The following VWA3B variants were observed in gnomAD, a reference collection of about 807,000 sequenced individuals.
The protein encoded by VWA3B is von Willebrand factor A domain containing 3B.
A neutral mutation model predicts 158.3 loss-of-function variants in VWA3B; 138 were observed. The observed-to-expected ratio is 0.87, with a 90% CI of 0.76 to 1.00. The LOEUF (loss-of-function observed/expected upper bound fraction) is 1.00. Ranked by LOEUF, VWA3B falls within the 50% of genes least tolerant of loss-of-function variation. The probability of loss-of-function intolerance (pLI) is 0.00; values close to 1 mark genes in which losing one functional copy is unlikely to be tolerated. For missense variants in VWA3B, 1,555 were observed against 1,565.1 expected, an observed-to-expected ratio of 0.99 and a Z score of 0.11; for synonymous variants, 596 against 587.3, an observed-to-expected ratio of 1.01 and a Z score of -0.21.
At chr2:98,301,042 G>A (rs761655652) in intron 25 of VWA3B, among the ~76,000 whole-genome samples, 1 of 152,150 alleles carries the variant, frequency 6.6e-6, no homozygotes, top group Non-Finnish European at 1.5e-5. Context: ...TGTAATCCCA[G>A]CAATTTGGGA....
intron 7 of VWA3B, among the ~76,000 whole-genome samples, chr2:98,151,808 G>A (rs1309209679): frequency 6.6e-6 from 1 of 152,136 alleles, no homozygotes. Flanking sequence ...TAAAGCATAC[G>A]ACACACATGG....
At chr2:98,123,759 C>T (rs989642590) in intron 5 of VWA3B, among the ~76,000 whole-genome samples, 1 of 152,110 alleles carries the variant, frequency 6.6e-6, no homozygotes, top group Non-Finnish European at 1.5e-5. Flanking sequence ...CTTCAGTAGC[C>T]CTGGTCCAGG....
At chr2:98,155,178 G>GGT (rs1677957312) in intron 7 of VWA3B, among the ~76,000 whole-genome samples, 1 of 152,202 alleles carries the variant, frequency 6.6e-6, no homozygotes, top group Non-Finnish European at 1.5e-5. Flanking sequence ...GGAGCCAGCA[G>GGT]GTGTGTCACT....
intron 14 of VWA3B, among the ~76,000 whole-genome samples, chr2:98,222,947 CAA>C (rs1684631108): frequency 6.6e-6 from 1 of 152,046 alleles, no homozygotes; most frequent in African/African-American, 2.4e-5. Context: ...GCCCATCACA[CAA>C]AGAGCCAAGA....
rs778562821 is a variant in VWA3B at position 98,312,026 on chromosome 2, G to T, written c.3729G>T (p.Glu1243Asp). Residue 1243 changes from glutamate (E) to aspartate (D), a missense_variant, in exon 27 of 28, where the codon GAG (glutamate) becomes GAT (aspartate). Coordinates refer to ENST00000477737, the MANE Select transcript of VWA3B (RefSeq NM_144992.5). Reference sequence around the variant, plus strand: ...GGTCCTGCCAGGGGACACACCCCGAGCCCAGGGTTTGGGTGATGGGGGGGG... The same window carrying T: ...GGTCCTGCCAGGGGACACACCCCGATCCCAGGGTTTGGGTGATGGGGGGGG... Reference protein sequence around the residue: ...SHGSCQGTHPEPRTAHLHFPA... With the variant: ...SHGSCQGTHPDPRTAHLHFPA... The T allele has an allele frequency of 6.3e-7, 1 of 1,597,536 alleles. No individual in the cohort carries two copies. Among genetic ancestry groups the T allele is most frequent in the South Asian group, 1.1e-5 (1 of 88,746 alleles).
At chr2:98,092,843 T>TATATATATATATATAG (rs1682433922) in intron 1 of VWA3B, among the ~76,000 whole-genome samples, 1 of 135,924 alleles carries the variant, frequency 7.4e-6, no homozygotes, top group Non-Finnish European at 1.6e-5. Context: ...TATATATATA[T>TATATATATATATATAG]ATATATATAT....
intron 9 of VWA3B, 122 bp downstream of exon 9, chr2:98,181,334 T>C: frequency 9.3e-7 from 1 of 1,071,426 alleles, no homozygotes; most frequent in South Asian, 1.6e-5. Flanking sequence ...CTTGGGTTTC[T>C]GTGAAGAACA....
intron 8 of VWA3B, among the ~76,000 whole-genome samples, chr2:98,177,936 T>C (rs1409592301): frequency 2.6e-5 from 4 of 151,854 alleles, no homozygotes; most frequent in African/African-American, 7.3e-5. Context: ...ATGGAAATAA[T>C]TGAATGAAAA....
At chr2:98,151,243 G>A (rs1677604693) in intron 7 of VWA3B, among the ~76,000 whole-genome samples, 1 of 152,078 alleles carries the variant, frequency 6.6e-6, no homozygotes, top group South Asian at 2.1e-4. Flanking sequence ...CTCCCGAGTA[G>A]CTGGGATTAC....
chr2:98,101,224 T>A (rs993322779), intron 2 of VWA3B, among the ~76,000 whole-genome samples: 31 of 152,288 alleles, frequency 2.0e-4, no homozygotes, highest in African/African-American at 7.5e-4. Context: ...GCCAGAATGT[T>A]GGTTCTTAAC....
intron 7 of VWA3B, among the ~76,000 whole-genome samples, chr2:98,154,389 A>G (rs576885566): frequency 1.1e-4 from 16 of 152,266 alleles, no homozygotes; most frequent in African/African-American, 2.9e-4. Flanking sequence ...CAGGATCCCA[A>G]TTAGCTTAAG....
intron 15 of VWA3B, chr2:98,228,898 A>C (rs944645695): frequency 3.9e-5 from 6 of 152,240 alleles, no homozygotes; most frequent in African/African-American, 1.4e-4. Context: ...AAAATGATTT[A>C]ATATTTTCCA....
intron 7 of VWA3B, among the ~76,000 whole-genome samples, chr2:98,159,529 G>A (rs998939008): frequency 1.6e-4 from 24 of 152,202 alleles, no homozygotes; most frequent in African/African-American, 4.8e-4. Context: ...GATTACAGAT[G>A]TGAGCCACTG....
At chr2:98,119,060 G>T (rs1194542885) in intron 3 of VWA3B, among the ~76,000 whole-genome samples, 1 of 152,180 alleles carries the variant, frequency 6.6e-6, no homozygotes, top group Non-Finnish European at 1.5e-5. Context: ...TGTGTAGCTG[G>T]GATGGCATCC....
intron 24 of VWA3B, among the ~76,000 whole-genome samples, chr2:98,298,342 G>A (rs1193545423): frequency 1.3e-5 from 2 of 151,568 alleles, no homozygotes; most frequent in Non-Finnish European, 2.9e-5. Flanking sequence ...TGCTGTAGCT[G>A]CCAGTACTGT....
At chr2:98,315,124 A>G (rs905994939), downstream of VWA3B, among the ~76,000 whole-genome samples, 1 of 152,260 alleles carries the variant, frequency 6.6e-6, no homozygotes, top group Non-Finnish European at 1.5e-5. Context: ...TCCTTTAAAG[A>G]TAATTGGCTT....
chr2:98,140,045 A>C (rs1209811131), intron 7 of VWA3B, among the ~76,000 whole-genome samples: 1 of 152,096 alleles, frequency 6.6e-6, no homozygotes, highest in Non-Finnish European at 1.5e-5. Flanking sequence ...AAGAGCTGTA[A>C]CACTCACCGT....
intron 22 of VWA3B, among the ~76,000 whole-genome samples, chr2:98,289,243 A>G (rs180736684): frequency 6.6e-6 from 1 of 152,290 alleles, no homozygotes; most frequent in East Asian, 1.9e-4. Flanking sequence ...ATATGCATAT[A>G]TTTCCAAGAT....
rs747988968 is a variant in VWA3B at position 98,128,373 on chromosome 2, T to C, written c.837T>C (p.Ala279=). The change falls in exon 6 of 28, where the codon GCT becomes GCC. Residue 279 remains alanine (A), a synonymous_variant. Transcript: ENST00000477737. ...SFNARGEGTI[A]FLKDLSAKTH... ...ACGCCAGAGGAGAAGGCACTATAGC[T>C]TTTCTAAAGGATCTGAGTGCCAAGA... 32 of 1,613,776 alleles carry C rather than the reference T, an allele frequency of 2.0e-5. No homozygotes were observed. The highest frequency in any genetic ancestry group is 2.6e-5 in the Non-Finnish European group (31 of 1,179,832).
Sources: allele counts gnomAD v4.1 joint callset (sites outside exome capture counted in the v4.1 genomes callset), GRCh38; gene constraint gnomAD v4.1.1; transcripts MANE v1.5; gene names NCBI Gene and HGNC (gene_info 2026-07-23, HGNC 2026-07-21).